Variants in CA10 observed in about 807,000 individuals in gnomAD.
The protein encoded by CA10 is carbonic anhydrase 10 (inactive).
Under a neutral mutation model 44.2 loss-of-function variants are expected in CA10, and 14 were observed. The observed-to-expected ratio is 0.32, with a 90% CI of 0.21 to 0.50. The LOEUF (loss-of-function observed/expected upper bound fraction) is 0.50, where lower values mean the gene tolerates loss of function less well. CA10 is among the 20% of genes least tolerant of loss of function. The pLI is 0.99. For synonymous variants in CA10, 159 were observed against 141.6 expected (o/e 1.12, Z -0.87); for missense variants, 350 against 409.7 (o/e 0.85, Z 1.26).
chr17:52,047,611 T>C (rs1986947148), intron 2 of CA10, among the ~76,000 whole-genome samples: 1 of 151,956 alleles, frequency 6.6e-6, no homozygotes, highest in African/African-American at 2.4e-5. Context: ...TTTTTAAAAA[T>C]AGAAAATGTA....
At chr17:52,029,651 G>A (rs1370911583) in intron 2 of CA10, among the ~76,000 whole-genome samples, 1 of 152,090 alleles carries the variant, frequency 6.6e-6, no homozygotes, top group African/African-American at 2.4e-5. Context: ...GACATAAAGT[G>A]CCTGTCAGGA....
At chr17:51,677,566 C>T (rs772133305) in intron 4 of CA10, among the ~76,000 whole-genome samples, 6 of 151,724 alleles carry the variant, frequency 4.0e-5, no homozygotes, top group East Asian at 3.9e-4. Context: ...TATAGCAATG[C>T]GAGAATGAAC....
intron 2 of CA10, among the ~76,000 whole-genome samples, chr17:51,956,216 T>A (rs1398044443): frequency 5.9e-5 from 9 of 152,136 alleles, no homozygotes. Flanking sequence ...TCCATGTAAG[T>A]CTCCTTGATT....
intron 2 of CA10, among the ~76,000 whole-genome samples, chr17:52,046,880 C>T (rs1986926886): frequency 6.6e-6 from 1 of 151,836 alleles, no homozygotes; most frequent in Non-Finnish European, 1.5e-5. Flanking sequence ...GTTGGTCCAA[C>T]ATTCAAAAAC....
At chr17:51,724,474 A>G (rs1916450813) in intron 4 of CA10, among the ~76,000 whole-genome samples, 1 of 152,216 alleles carries the variant, frequency 6.6e-6, no homozygotes, top group East Asian at 1.9e-4. Context: ...GATGAGGTAA[A>G]AGAGGCCCAA....
chr17:51,999,886 G>A (rs1985364799), intron 2 of CA10, among the ~76,000 whole-genome samples: 1 of 151,842 alleles, frequency 6.6e-6, no homozygotes. Flanking sequence ...TCCAATCCTT[G>A]GAATAATTCT....
At chr17:51,654,844 C>T (rs1022106381) in intron 4 of CA10, among the ~76,000 whole-genome samples, 1 of 152,088 alleles carries the variant, frequency 6.6e-6, no homozygotes, top group Non-Finnish European at 1.5e-5. Flanking sequence ...GTGTGAGCCA[C>T]TGCGCCCGGC....
rs558948284 is a variant in CA10, at chr17:52,158,101, AGCGGCG to A, written c.-321_-316del. 6 of 491,172 alleles carry A rather than the reference AGCGGCG, an allele frequency of 1.2e-5. No individual in the cohort carries two copies. The highest frequency in any genetic ancestry group is 4.1e-5 in the East Asian group (1 of 24,236). The allele number at this position is 491,172 out of a possible 1,614,324, so 30.4% of individuals were successfully genotyped here. ...CACCAGCGGCGGAAACCGCACTAGC[AGCGGCG>A]GCGGCGGCGGCGGCGGCAGCAGCCA... On this transcript the variant is annotated 5_prime_UTR_variant, in exon 1 of 9. Coordinates refer to ENST00000451037, the MANE Select transcript of CA10 (RefSeq NM_020178.5).
At chr17:51,687,345 G>A (rs1364977998) in intron 4 of CA10, among the ~76,000 whole-genome samples, 1 of 152,156 alleles carries the variant, frequency 6.6e-6, no homozygotes, top group Admixed American at 6.6e-5. Flanking sequence ...TTATCACCAT[G>A]TAGTATTTTC....
chr17:51,703,943 A>AG (rs59775321), intron 4 of CA10, among the ~76,000 whole-genome samples: 137,447 of 152,134 alleles, frequency 0.9, 62,337 homozygotes, highest in African/African-American at 0.98. Flanking sequence ...GACTTGGATA[A>AG]GAAGGATGTC....
At chr17:52,022,437 A>G (rs1316697438) in intron 2 of CA10, among the ~76,000 whole-genome samples, 1 of 152,134 alleles carries the variant, frequency 6.6e-6, no homozygotes, top group African/African-American at 2.4e-5. Flanking sequence ...CAAAGTAGGC[A>G]TTGAAGGAAT....
At chr17:52,096,098 G>A (rs1988393979) in intron 1 of CA10, among the ~76,000 whole-genome samples, 1 of 152,116 alleles carries the variant, frequency 6.6e-6, no homozygotes, top group Non-Finnish European at 1.5e-5. Context: ...GATAATGCAT[G>A]TGGGGAAAGC....
intron 2 of CA10, among the ~76,000 whole-genome samples, chr17:52,054,749 A>G (rs1598189819): frequency 6.6e-6 from 1 of 152,074 alleles, no homozygotes; most frequent in South Asian, 2.1e-4. Context: ...CTTACGTGAA[A>G]TATCGGGGGT....
chr17:51,802,719 C>G (rs1373014343), intron 3 of CA10, among the ~76,000 whole-genome samples: 2 of 152,144 alleles, frequency 1.3e-5, no homozygotes, highest in Non-Finnish European at 2.9e-5. Flanking sequence ...AGTGTCCCCA[C>G]CTCCACTTCA....
intron 4 of CA10, among the ~76,000 whole-genome samples, chr17:51,667,628 T>G (rs767637385): frequency 5.9e-5 from 9 of 152,170 alleles, no homozygotes; most frequent in Non-Finnish European, 1.0e-4. Flanking sequence ...TGTGTGGTCA[T>G]TGAATGTCAC....
intron 2 of CA10, among the ~76,000 whole-genome samples, chr17:51,939,501 G>A (rs1217044197): frequency 6.6e-6 from 1 of 152,062 alleles, no homozygotes. Flanking sequence ...CAAAGATACT[G>A]GTAGTGACTA....
chr17:51,688,275 CTA>C (rs1227964970), intron 4 of CA10, among the ~76,000 whole-genome samples: 1 of 152,206 alleles, frequency 6.6e-6, no homozygotes, highest in Non-Finnish European at 1.5e-5. Flanking sequence ...CTAGCCAGAA[CTA>C]CCCAGCTAAG....
rs546064367 is a variant in CA10 at position 51,699,569 on chromosome 17, G to A, written c.466-45833C>T. Among the ~76,000 whole-genome samples the A allele has an allele frequency of 1.3e-4, 20 of 152,166 alleles. No individual in the cohort carries two copies. The South Asian group carries it at 3.9e-3, about 30-fold the overall frequency. Reference sequence around the variant, plus strand: ...CTTAGCTTCAGCGAAGACATCCCTCGAGAGCATAAGAAAAAACAGTCATCA... The same window carrying A: ...CTTAGCTTCAGCGAAGACATCCCTCAAGAGCATAAGAAAAAACAGTCATCA... On this transcript the variant is annotated intron_variant, in intron 4 of 8. Transcript: ENST00000451037.
chr17:51,713,413 C>T (rs1020497636), intron 4 of CA10, among the ~76,000 whole-genome samples: 3 of 152,112 alleles, frequency 2.0e-5, no homozygotes, highest in South Asian at 2.1e-4. Flanking sequence ...TGATATCTAG[C>T]GGGGACAACG....
Sources: gnomAD v4.1 joint callset for allele counts (sites outside exome capture counted in the v4.1 genomes callset) on GRCh38, gnomAD v4.1.1 for gene constraint, MANE v1.5 for transcripts, NCBI Gene and HGNC (gene_info 2026-07-23, HGNC 2026-07-21) for gene names.